Variants in GSE1 observed in about 807,000 individuals in gnomAD.
GSE1 encodes the protein Gse1 coiled-coil protein.
A neutral mutation model predicts 112.6 loss-of-function variants in GSE1; 32 were observed. The ratio of observed to expected loss-of-function variants is 0.28; its 90% CI spans 0.21 to 0.38. GSE1 has a LOEUF of 0.38. GSE1 is among the 10% of genes least tolerant of loss of function. The pLI is 1.00. For missense variants in GSE1, 2,348 were observed against 1,699.2 expected, an observed-to-expected ratio of 1.38 and a Z score of -6.71; for synonymous variants, 1,115 against 735.6, an observed-to-expected ratio of 1.52 and a Z score of -8.35.
At chr16:85,325,780 G>A (rs1204713361) in intron 1 of GSE1, among the ~76,000 whole-genome samples, 5 of 132,728 alleles carry the variant, frequency 3.8e-5, no homozygotes, top group South Asian at 2.4e-4. Flanking sequence ...TTTTTGAGAC[G>A]GAGTCTCCCT....
At position 85,661,246 on chromosome 16, in the gene GSE1, C is replaced by G; in HGVS notation, c.1741C>G (p.Pro581Ala). The change falls in exon 9 of 16, where the codon CCC becomes GCC. Residue 581 changes from proline (P) to alanine (A), a missense_variant. Coordinates refer to ENST00000253458, the MANE Select transcript of GSE1 (RefSeq NM_014615.5). ...ISPKPQLHAA[P>A]TALWNPVSLM... ...GCCCAAGCCCCAGCTCCATGCTGCA[C>G]CCACGGCCCTCTGGAACCCCGTGTC... 1 of 1,612,942 alleles carries G rather than the reference C, an allele frequency of 6.2e-7. No homozygotes were observed. Among genetic ancestry groups the G allele is most frequent in the South Asian group, 1.1e-5 (1 of 91,080 alleles).
At chr16:85,385,225 C>A (rs1020258750) in intron 2 of GSE1, among the ~76,000 whole-genome samples, 1 of 152,224 alleles carries the variant, frequency 6.6e-6, no homozygotes, top group East Asian at 1.9e-4. Flanking sequence ...CCTGTGGCTG[C>A]TTGTCCGGGG....
At chr16:85,331,701 A>G (rs1449299686) in intron 1 of GSE1, among the ~76,000 whole-genome samples, 1 of 74,128 alleles carries the variant, frequency 1.3e-5, no homozygotes, top group Non-Finnish European at 2.6e-5. Flanking sequence ...ATATATATAT[A>G]TATATATTTT....
intron 1 of GSE1, among the ~76,000 whole-genome samples, chr16:85,214,002 C>T (rs1185165895): frequency 1.3e-5 from 2 of 152,338 alleles, no homozygotes; most frequent in Non-Finnish European, 2.9e-5. Flanking sequence ...GAGGTGGAGG[C>T]CATCCCAGGG....
Position 85,364,395 on chromosome 16 carries a change from T to C in GSE1, c.2464+6752T>C, listed in dbSNP as rs116934843. Among the ~76,000 whole-genome samples, 384 of 152,276 alleles carry C rather than the reference T, an allele frequency of 2.5e-3. 1 individual carries two copies. The highest frequency in any genetic ancestry group is 4.1e-3 in the Admixed American group (63 of 15,296). On this transcript the variant is annotated intron_variant, in intron 2 of 2. Transcript: ENST00000637419. ...AGCTGGTTAGCAACCTTAATCCCCTTTTCCCAGGTAAGGTGGCACGTGCAC... is the reference window on the plus strand; with the variant it reads ...AGCTGGTTAGCAACCTTAATCCCCTCTTCCCAGGTAAGGTGGCACGTGCAC...
At position 85,661,582 on chromosome 16, in the gene GSE1, C is replaced by T. The variant is rs144074727; in HGVS notation, c.2077C>T (p.Leu693Phe). ...CATCCTGGGCCAGCAGCGGGCCTCC[C>T]TCCCACAGGCGGCCACCTTCGGGGA... ...QTILGQQRAS[L>F]PQAATFGELS... The change falls in exon 9 of 16, where the codon CTC becomes TTC. Residue 693 changes from leucine (L) to phenylalanine (F), a missense_variant. Leu to Phe is a conservative substitution (Grantham distance 22). Coordinates refer to ENST00000253458, the MANE Select transcript of GSE1 (RefSeq NM_014615.5). 1 of 1,610,294 alleles carries T rather than the reference C, an allele frequency of 6.2e-7. No homozygotes were observed. The highest frequency in any genetic ancestry group is 8.5e-7 in the Non-Finnish European group (1 of 1,179,060).
chr16:85,669,604 T>C (rs779041663), intron 14 of GSE1, among the ~76,000 whole-genome samples: 2 of 152,200 alleles, frequency 1.3e-5, no homozygotes, highest in African/African-American at 2.4e-5. Context: ...CAATACACAG[T>C]GATTTTTAAC....
At chr16:85,218,868 G>C (rs1423953516) in intron 1 of GSE1, among the ~76,000 whole-genome samples, 1 of 152,146 alleles carries the variant, frequency 6.6e-6, no homozygotes, top group Non-Finnish European at 1.5e-5. Flanking sequence ...TATGTATTCT[G>C]ACAGTCCATG....
At chr16:85,556,095 T>C (rs2045196184) in exon 1 of GSE1, 1 of 983,980 alleles carries the variant, frequency 1.0e-6, no homozygotes, top group Admixed American at 6.2e-5. Context: ...GTGGCCGAAA[T>C]TGCCTGGGCG....
chr16:85,250,453 G>A (rs1443294142), intron 1 of GSE1, among the ~76,000 whole-genome samples: 1 of 152,096 alleles, frequency 6.6e-6, no homozygotes, highest in Non-Finnish European at 1.5e-5. Flanking sequence ...AGCTGGGGGC[G>A]GAGGCGCCAG....
intron 3 of GSE1, among the ~76,000 whole-genome samples, chr16:85,650,503 G>A (rs978085416): frequency 1.3e-5 from 2 of 152,228 alleles, no homozygotes; most frequent in South Asian, 2.1e-4. Flanking sequence ...GACCCAGGAC[G>A]CCTCGAGGGG....
At chr16:85,386,150 G>T (rs912239310) in intron 2 of GSE1, among the ~76,000 whole-genome samples, 2 of 152,056 alleles carry the variant, frequency 1.3e-5, no homozygotes, top group Non-Finnish European at 2.9e-5. Context: ...GTTTAAATAT[G>T]GTGGTTCAGG....
chr16:85,663,379 C>G lies in GSE1; in HGVS notation c.2409C>G (p.Thr803=), dbSNP rs1306570388. 5.0e-6 allele frequency: 8 copies of G among 1,613,760 alleles called. No homozygotes were observed. The highest frequency in any genetic ancestry group is 5.9e-6 in the Non-Finnish European group (7 of 1,180,022). The change falls in exon 11 of 16, where the codon ACC becomes ACG. Residue 803 remains threonine (T), a synonymous_variant. Transcript: ENST00000253458. ...TTTTGCAACTTTTTGGCTTGACCACCCAACAGCAGAAGGAGGAATTGGTGG... is the reference window on the plus strand; with the variant it reads ...TTTTGCAACTTTTTGGCTTGACCACGCAACAGCAGAAGGAGGAATTGGTGG... ...LEFLQLFGLT[T]QQQKEELVAQ... is the part of the protein sequence containing the mutation.
intron 2 of GSE1, among the ~76,000 whole-genome samples, chr16:85,500,440 C>T (rs1403546865): frequency 1.3e-5 from 2 of 152,226 alleles, no homozygotes; most frequent in African/African-American, 4.8e-5. Context: ...AGCAGCTCCC[C>T]ACTGACATGT....
chr16:85,530,457 C>T (rs971921325), intron 2 of GSE1, among the ~76,000 whole-genome samples: 1 of 152,034 alleles, frequency 6.6e-6, no homozygotes, highest in African/African-American at 2.4e-5. Flanking sequence ...GCAGCCAGCT[C>T]GACACTGAGC....
At chr16:85,454,756 C>A (rs1408444909) in intron 2 of GSE1, among the ~76,000 whole-genome samples, 5 of 152,090 alleles carry the variant, frequency 3.3e-5, no homozygotes. Context: ...ACGCGTCACT[C>A]CAGGCTCTGC....
chr16:85,277,712 A>C (rs543998393), intron 1 of GSE1, among the ~76,000 whole-genome samples: 4 of 152,300 alleles, frequency 2.6e-5, no homozygotes, highest in Admixed American at 2.0e-4. Flanking sequence ...ACCCCTACAA[A>C]GCATCTCCTC....
intron 2 of GSE1, among the ~76,000 whole-genome samples, chr16:85,360,237 C>T (rs575168163): frequency 1.1e-3 from 165 of 151,150 alleles, no homozygotes; most frequent in African/African-American, 3.6e-3. Flanking sequence ...TGCGTACTAG[C>T]GGGGTACGTT....
intron 1 of GSE1, among the ~76,000 whole-genome samples, chr16:85,195,413 A>G (rs911591785): frequency 1.3e-5 from 2 of 152,162 alleles, no homozygotes; most frequent in Non-Finnish European, 2.9e-5. Flanking sequence ...GCAGCTGTCA[A>G]AGGAGAGTTG....
Sources: allele counts gnomAD v4.1 joint callset (sites outside exome capture counted in the v4.1 genomes callset), GRCh38; gene constraint gnomAD v4.1.1; transcripts MANE v1.5; gene names NCBI Gene and HGNC (gene_info 2026-07-23, HGNC 2026-07-21).